Variants in MALRD1 observed in about 807,000 individuals in gnomAD.
The protein encoded by MALRD1 is MAM and LDL-receptor class A domain-containing protein 1.
Under a neutral mutation model 242.1 loss-of-function variants are expected in MALRD1, and 247 were observed. The observed-to-expected ratio is 1.02, with a 90% CI of 0.92 to 1.13. The LOEUF is 1.13. Ranked by LOEUF, MALRD1 falls within the 50% of genes most tolerant of loss-of-function variation. MALRD1 has a pLI of 0.00. For synonymous variants in MALRD1, 995 were observed against 866.6 expected (o/e 1.15, Z -2.60); for missense variants, 2,989 against 2,533.1 (o/e 1.18, Z -3.86).
chr10:19,288,782 C>T (rs1841264735), intron 21 of MALRD1, among the ~76,000 whole-genome samples: 2 of 151,992 alleles, frequency 1.3e-5, no homozygotes. Flanking sequence ...AATCTTTATG[C>T]CCTTACAGCC....
chr10:19,491,360 G>A, intron 29 of MALRD1, 157 bp from the exon 30 acceptor site: 1 of 848,014 alleles, frequency 1.2e-6, no homozygotes, highest in Non-Finnish European at 1.8e-6. Flanking sequence ...TTGAAGGTGG[G>A]ACTGAGAAAG....
intron 36 of MALRD1, among the ~76,000 whole-genome samples, chr10:19,645,571 C>T (rs1190736856): frequency 6.6e-6 from 1 of 152,158 alleles, no homozygotes; most frequent in African/African-American, 2.4e-5. Flanking sequence ...AGTTCATGTC[C>T]TTTGTAGGGA....
At chr10:19,290,747 AATT>A (rs1841378330) in intron 21 of MALRD1, among the ~76,000 whole-genome samples, 1 of 152,180 alleles carries the variant, frequency 6.6e-6, no homozygotes, top group African/African-American at 2.4e-5. Flanking sequence ...TTTTTTAAAA[AATT>A]ATTATTTGCT....
rs74606529 is a variant in MALRD1 at position 19,653,497 on chromosome 10, T to C, written c.6137+37574T>C. On this transcript the variant is annotated intron_variant, in intron 36 of 39. Transcript: ENST00000454679. ...TTGTTTCCTCAGATCTAAATTGTTGTTCCATAGGTTTAAAAGTGAAACAGA... is the reference window on the plus strand; with the variant it reads ...TTGTTTCCTCAGATCTAAATTGTTGCTCCATAGGTTTAAAAGTGAAACAGA... Among the ~76,000 whole-genome samples, 397 of 152,266 alleles carry C rather than the reference T, an allele frequency of 2.6e-3. 7 individuals are homozygous for C. In the East Asian group the frequency reaches 0.059, roughly 23 times the overall value.
chr10:19,240,999 T>C (rs978929215), intron 18 of MALRD1, among the ~76,000 whole-genome samples: 2 of 152,116 alleles, frequency 1.3e-5, no homozygotes, highest in South Asian at 4.1e-4. Context: ...ATCTATGTTC[T>C]TCAGGAATAT....
intron 24 of MALRD1, among the ~76,000 whole-genome samples, chr10:19,338,372 G>A (rs932238473): frequency 3.3e-5 from 5 of 151,922 alleles, no homozygotes; most frequent in Non-Finnish European, 7.4e-5. Flanking sequence ...TTTTGATCCT[G>A]TCTCCATAGT....
rs530501603 is a variant in MALRD1 at position 19,570,227 on chromosome 10, C to T, written c.5680+2524C>T. ...GTCTTAAGGCATAGCTTCTACAGCA[C>T]GACTTCATTATTGATTCAGGCAGAT... On this transcript the variant is annotated intron_variant, in intron 33 of 39. Coordinates refer to ENST00000454679, the MANE Select transcript of MALRD1 (RefSeq NM_001142308.3). Among the ~76,000 whole-genome samples the T allele has an allele frequency of 7.2e-5, 11 of 152,092 alleles. No individual in the cohort carries two copies. The South Asian group carries it at 1.7e-3, about 23-fold the overall frequency.
chr10:19,175,293 A>G lies in MALRD1; in HGVS notation c.1916A>G (p.Tyr639Cys), dbSNP rs560757362. The change falls in exon 14 of 40, where the codon TAT (tyrosine) becomes TGT (cysteine). Residue 639 changes from tyrosine to cysteine, a missense_variant. Coordinates refer to ENST00000454679, the MANE Select transcript of MALRD1 (RefSeq NM_001142308.3). ...ISVSQECEIS[Y>C]KSLPRTSTQS... Reference sequence around the variant, plus strand: ...GTGTCCCAGGAATGTGAAATTTCCTATAAATCACTACCAAGGACCAGTACA... The same window carrying G: ...GTGTCCCAGGAATGTGAAATTTCCTGTAAATCACTACCAAGGACCAGTACA... The G allele has an allele frequency of 2.4e-6, 3 of 1,230,708 alleles. No individual in the cohort carries two copies. Among genetic ancestry groups the G allele is most frequent in the Non-Finnish European group, 3.0e-6 (3 of 987,376 alleles). 76.2% of individuals were successfully genotyped at this position (1,230,708 alleles called of 1,614,324 possible).
intron 21 of MALRD1, among the ~76,000 whole-genome samples, chr10:19,298,233 A>G (rs1841795922): frequency 6.6e-6 from 1 of 151,798 alleles, no homozygotes; most frequent in Non-Finnish European, 1.5e-5. Flanking sequence ...ACGACCCACT[A>G]ATCCCTTCCC....
chr10:19,085,475 A>AT (rs1210458292), intron 2 of MALRD1, among the ~76,000 whole-genome samples: 11 of 151,976 alleles, frequency 7.2e-5, no homozygotes, highest in African/African-American at 2.7e-4. Context: ...ATTTTGAACA[A>AT]TTTTTTCCCC....
chr10:19,546,914 A>G (rs1481846353), intron 32 of MALRD1, among the ~76,000 whole-genome samples: 1 of 152,176 alleles, frequency 6.6e-6, no homozygotes, highest in Non-Finnish European at 1.5e-5. Flanking sequence ...AGTTTTCTAA[A>G]TATTTACAAC....
At chr10:19,134,457 T>G (rs1190916418) in intron 9 of MALRD1, among the ~76,000 whole-genome samples, 3 of 152,200 alleles carry the variant, frequency 2.0e-5, no homozygotes, top group African/African-American at 7.2e-5. Context: ...TAATTGCAGC[T>G]TTTGCCATTG....
At chr10:19,682,445 G>A (rs534408392) in intron 36 of MALRD1, among the ~76,000 whole-genome samples, 8 of 152,302 alleles carry the variant, frequency 5.3e-5, no homozygotes, top group Admixed American at 1.3e-4. Context: ...GGCTGAAAGC[G>A]TCCAATTATA....
intron 21 of MALRD1, among the ~76,000 whole-genome samples, chr10:19,306,088 A>T (rs1588884580): frequency 8.5e-6 from 1 of 117,958 alleles, no homozygotes; most frequent in South Asian, 2.3e-4. Flanking sequence ...TATACTATAT[A>T]TACTATATAC....
chr10:19,447,485 A>T (rs1835062491), intron 28 of MALRD1, among the ~76,000 whole-genome samples: 1 of 152,124 alleles, frequency 6.6e-6, no homozygotes, highest in African/African-American at 2.4e-5. Context: ...TGAATGCATT[A>T]TTTGTCTCTT....
At chr10:19,542,787 A>G (rs973020758) in intron 32 of MALRD1, among the ~76,000 whole-genome samples, 1 of 152,176 alleles carries the variant, frequency 6.6e-6, no homozygotes, top group Non-Finnish European at 1.5e-5. Flanking sequence ...TTGTCCATGT[A>G]GGAAAAAGGT....
chr10:19,116,946 T>C (rs1416905096), intron 5 of MALRD1, among the ~76,000 whole-genome samples: 1 of 151,784 alleles, frequency 6.6e-6, no homozygotes, highest in East Asian at 1.9e-4. Context: ...AATACAAAAA[T>C]TAGCCAGGCG....
Position 19,495,859 on chromosome 10 carries a change from C to T in MALRD1, c.5159-2626C>T, listed in dbSNP as rs114858417. On this transcript the variant is annotated intron_variant, in intron 30 of 39. Transcript: ENST00000454679. ...TCACACTCAGTGACACCCGTAGGCT[C>T]AAAATAAAGGGAAGGAGAAAAACCT... Among the ~76,000 whole-genome samples the T allele has an allele frequency of 3.6e-3, 555 of 152,132 alleles. 2 individuals are homozygous for T. Among genetic ancestry groups the T allele is most frequent in the African/African-American group, 0.013 (520 of 41,508 alleles).
chr10:19,427,710 A>G (rs1384983493), intron 28 of MALRD1, among the ~76,000 whole-genome samples: 1 of 152,196 alleles, frequency 6.6e-6, no homozygotes, highest in African/African-American at 2.4e-5. Context: ...TTGGCGTTAT[A>G]TAGACTGTGT....
Sources: allele counts gnomAD v4.1 joint callset (sites outside exome capture counted in the v4.1 genomes callset), GRCh38; gene constraint gnomAD v4.1.1; transcripts MANE v1.5; gene names NCBI Gene and HGNC (gene_info 2026-07-23, HGNC 2026-07-21).